ENTPD4: variants seen among roughly 807,000 people sequenced by gnomAD.
The protein encoded by ENTPD4 is ectonucleoside triphosphate diphosphohydrolase 4.
A neutral mutation model predicts 79.1 loss-of-function variants in ENTPD4; 60 were observed. The observed-to-expected ratio is 0.76, with a 90% CI of 0.62 to 0.94. The LOEUF (loss-of-function observed/expected upper bound fraction) is 0.94. ENTPD4 is among the 40% of genes least tolerant of loss of function. ENTPD4 has a pLI of 0.00. For synonymous variants in ENTPD4, 276 were observed against 292.0 expected (o/e 0.95, Z 0.56); for missense variants, 772 against 775.1 (o/e 1.00, Z 0.05).
intron 1 of ENTPD4, among the ~76,000 whole-genome samples, chr8:23,454,757 CAG>C (rs1308217809): frequency 2.0e-5 from 3 of 151,738 alleles, no homozygotes; most frequent in Non-Finnish European, 4.4e-5. Context: ...AAAGGACAAA[CAG>C]ATATTTTAAG....
chr8:23,453,287 G>GA lies in ENTPD4; in HGVS notation c.-97-3291dup, dbSNP rs567585423. Among the ~76,000 whole-genome samples the GA allele has an allele frequency of 5.4e-4, 81 of 150,398 alleles. 1 individual carries two copies. The highest frequency in any genetic ancestry group is 6.8e-3 in the Middle Eastern group (2 of 294). On this transcript the variant is annotated intron_variant, in intron 1 of 12. Transcript: ENST00000358689. ...TAAAAGTTTACACAAAAAGTAAAAA[G>GA]AAAAAAAAATCAATGATCTAGACGT...
At chr8:23,453,933 A>G (rs1395812056) in intron 1 of ENTPD4, among the ~76,000 whole-genome samples, 1 of 152,246 alleles carries the variant, frequency 6.6e-6, no homozygotes, top group African/African-American at 2.4e-5. Flanking sequence ...AAAGGTGATG[A>G]CATAGATCTA....
intron 1 of ENTPD4, among the ~76,000 whole-genome samples, chr8:23,452,678 C>G (rs1263333473): frequency 6.6e-6 from 1 of 152,178 alleles, no homozygotes; most frequent in African/African-American, 2.4e-5. Context: ...CATTCCCTGA[C>G]AGACCCCTCC....
intron 4 of ENTPD4, among the ~76,000 whole-genome samples, chr8:23,446,973 G>A (rs1314827328): frequency 1.3e-5 from 2 of 152,284 alleles, no homozygotes; most frequent in East Asian, 3.9e-4. Context: ...ATTAAGATCT[G>A]TGGTCAACTG....
Position 23,429,644 on chromosome 8 carries a change from G to A in ENTPD4, c.*3282C>T, listed in dbSNP as rs1188584326. 3.0e-6 allele frequency: 3 copies of A among 985,210 alleles called. No individual in the cohort carries two copies. The highest frequency in any genetic ancestry group is 1.7e-5 in the African/African-American group (1 of 57,232). The allele number at this position is 985,210 out of a possible 1,614,324, so 61.0% of individuals were successfully genotyped here. A position where few individuals can be genotyped will look rare whatever the true frequency, so the allele number is the denominator to read the frequency against. ...GCCTGAGTTTAAAATGTAAATATCT[G>A]TTTATCCAGAGTTTGTTAATCTAGA... On this transcript the variant is annotated 3_prime_UTR_variant, in exon 13 of 13. Coordinates refer to ENST00000358689, the MANE Select transcript of ENTPD4 (RefSeq NM_004901.5).
Position 23,430,243 on chromosome 8 carries a change from T to C in ENTPD4, c.*2683A>G, listed in dbSNP as rs1800431655. ...CGACTGCAGACATCTCCATACGGCA[T>C]AATGAACTCCCTTGAGTGGTCTCTT... On this transcript the variant is annotated 3_prime_UTR_variant, in exon 13 of 13. Coordinates refer to ENST00000358689, the MANE Select transcript of ENTPD4 (RefSeq NM_004901.5). 2.0e-6 allele frequency: 2 copies of C among 985,382 alleles called. No homozygotes were observed. The highest frequency in any genetic ancestry group is 6.1e-5 in the Admixed American group (1 of 16,276). The allele number at this position is 985,382 out of a possible 1,614,324, so 61.0% of individuals were successfully genotyped here. A position where few individuals can be genotyped will look rare whatever the true frequency, so the allele number is the denominator to read the frequency against.
At position 23,432,427 on chromosome 8, in the gene ENTPD4, C is replaced by T. The variant is rs1800470818; in HGVS notation, c.*499G>A. ...CAAAAATCAAGTGAATTTCCCTCTT[C>T]CCCACTCCTCAATTTAATGCTGTAC... On this transcript the variant is annotated 3_prime_UTR_variant, in exon 13 of 13. Coordinates refer to ENST00000358689, the MANE Select transcript of ENTPD4 (RefSeq NM_004901.5). The T allele has an allele frequency of 1.0e-6, 1 of 985,588 alleles. No homozygotes were observed. The highest frequency in any genetic ancestry group is 4.7e-5 in the South Asian group (1 of 21,306). 61.1% of individuals were successfully genotyped at this position (985,588 alleles called of 1,614,324 possible). A position where few individuals can be genotyped will look rare whatever the true frequency, so the allele number is the denominator to read the frequency against.
In ENTPD4 at chr8:23,432,973, A is replaced by G; in HGVS notation, c.1804T>C (p.Trp602Arg). The change falls in exon 13 of 13, where the codon TGG becomes CGG. Residue 602 changes from tryptophan to arginine, a missense_variant. Coordinates refer to ENST00000358689, the MANE Select transcript of ENTPD4 (RefSeq NM_004901.5). ...TGGGCGGGAAGGCCCTCCTCCATCC[A>G]GAGGGCGGCGGCCGAGCTGCTCCGG... ...TPRSSSAAAL[W>R]MEEGLPAQNA... 1 of 1,613,260 alleles carries G rather than the reference A, an allele frequency of 6.2e-7. No homozygotes were observed. The highest frequency in any genetic ancestry group is 8.5e-7 in the Non-Finnish European group (1 of 1,179,582).
intron 9 of ENTPD4, among the ~76,000 whole-genome samples, chr8:23,438,180 G>A (rs1398661975): frequency 2.0e-5 from 3 of 152,208 alleles, no homozygotes; most frequent in Non-Finnish European, 4.4e-5. Context: ...AAACAGAGAA[G>A]AGCTCACAAA....
In ENTPD4 at chr8:23,431,957, T is replaced by G; in HGVS notation, c.*969A>C. Reference sequence around the variant, plus strand: ...TAAAATGTACCAGTAAATTCTGAAGTGTGTGTTTTTAAAGAACCAGCATTG... The same window carrying G: ...TAAAATGTACCAGTAAATTCTGAAGGGTGTGTTTTTAAAGAACCAGCATTG... On this transcript the variant is annotated 3_prime_UTR_variant, in exon 13 of 13. Transcript: ENST00000358689. The G allele has an allele frequency of 1.0e-6, 1 of 985,432 alleles. No homozygotes were observed. The highest frequency in any genetic ancestry group is 1.2e-6 in the Non-Finnish European group (1 of 829,918). 61.0% of individuals were successfully genotyped at this position (985,432 alleles called of 1,614,324 possible). A position where few individuals can be genotyped will look rare whatever the true frequency, so the allele number is the denominator to read the frequency against.
chr8:23,429,249 A>C lies in ENTPD4; in HGVS notation c.*3677T>G. On this transcript the variant is annotated 3_prime_UTR_variant, in exon 13 of 13. Transcript: ENST00000358689. ...CACATACAGCAAGTGACATGACACC[A>C]AAAGGACCTTCCGAGAGTATTATTC... 1.0e-6 allele frequency: 1 copy of C among 985,448 alleles called. No homozygotes were observed. Among genetic ancestry groups the C allele is most frequent in the Non-Finnish European group, 1.2e-6 (1 of 829,918 alleles). The allele number at this position is 985,448 out of a possible 1,614,324, so 61.0% of individuals were successfully genotyped here.
chr8:23,432,487 G>A lies in ENTPD4; in HGVS notation c.*439C>T. 1 of 986,656 alleles carries A rather than the reference G, an allele frequency of 1.0e-6. No individual in the cohort carries two copies. The highest frequency in any genetic ancestry group is 1.2e-6 in the Non-Finnish European group (1 of 833,180). The allele number at this position is 986,656 out of a possible 1,614,324, so 61.1% of individuals were successfully genotyped here. On this transcript the variant is annotated 3_prime_UTR_variant, in exon 13 of 13. Transcript: ENST00000358689. ...CTAAACGCAATACTTCTAGACAGCA[G>A]GGCTTATAAACAATGCATTTTTTTT...
Position 23,432,449 on chromosome 8 carries a change from G to A in ENTPD4, c.*477C>T, listed in dbSNP as rs1286154754. ...CTTCCCCACTCCTCAATTTAATGCT[G>A]TACTCAAAATGGCTAAACGCAATAC... On this transcript the variant is annotated 3_prime_UTR_variant, in exon 13 of 13. Coordinates refer to ENST00000358689, the MANE Select transcript of ENTPD4 (RefSeq NM_004901.5). 2.9e-5 allele frequency: 29 copies of A among 986,172 alleles called. No individual in the cohort carries two copies. The highest frequency in any genetic ancestry group is 1.1e-4 in the East Asian group (1 of 8,796). The allele number at this position is 986,172 out of a possible 1,614,324, so 61.1% of individuals were successfully genotyped here. A position where few individuals can be genotyped will look rare whatever the true frequency, so the allele number is the denominator to read the frequency against.
chr8:23,446,486 A>ATAGT (rs1433951892), intron 4 of ENTPD4, among the ~76,000 whole-genome samples: 5 of 152,232 alleles, frequency 3.3e-5, no homozygotes, highest in Non-Finnish European at 5.9e-5. Flanking sequence ...TAAAACTAAA[A>ATAGT]CTTAGAAGAC....
chr8:23,450,834 T>C (rs926700927), intron 1 of ENTPD4, among the ~76,000 whole-genome samples: 1 of 152,130 alleles, frequency 6.6e-6, no homozygotes, highest in East Asian at 1.9e-4. Context: ...TATCTGAATG[T>C]TGCACAGAAC....
intron 9 of ENTPD4, among the ~76,000 whole-genome samples, chr8:23,438,264 A>ATTTTCTAAC (rs1210696183): frequency 1.3e-5 from 2 of 152,256 alleles, no homozygotes; most frequent in Non-Finnish European, 2.9e-5. Flanking sequence ...TAAAGGGTTA[A>ATTTTCTAAC]GCATGGTCAG....
At chr8:23,451,469 C>A (rs1444773648) in intron 1 of ENTPD4, among the ~76,000 whole-genome samples, 1 of 152,174 alleles carries the variant, frequency 6.6e-6, no homozygotes, top group African/African-American at 2.4e-5. Flanking sequence ...CAGTCTCAAC[C>A]AGTGACCTCG....
chr8:23,435,579 C>G, intron 10 of ENTPD4, 102 bp from the exon 11 acceptor site: 1 of 787,224 alleles, frequency 1.3e-6, no homozygotes, highest in South Asian at 1.6e-5. Context: ...GCATATCCTT[C>G]CCATTAGGAA....
intron 9 of ENTPD4, among the ~76,000 whole-genome samples, chr8:23,439,240 C>G (rs1173105086): frequency 6.6e-6 from 1 of 152,216 alleles, no homozygotes; most frequent in African/African-American, 2.4e-5. Flanking sequence ...CTAACTCTGA[C>G]TCTTCTAGAT....
Sources: gnomAD v4.1 joint callset for allele counts (sites outside exome capture counted in the v4.1 genomes callset) on GRCh38, gnomAD v4.1.1 for gene constraint, MANE v1.5 for transcripts, NCBI Gene and HGNC (gene_info 2026-07-23, HGNC 2026-07-21) for gene names.